ADCY5: variants seen among roughly 807,000 people sequenced by gnomAD.
ADCY5 encodes adenylate cyclase type 5.
In ADCY5, 30 loss-of-function variants were observed where a neutral mutation model predicts 119.7. The ratio of observed to expected loss-of-function variants is 0.25; its 90% confidence interval spans 0.19 to 0.34. The LOEUF (loss-of-function observed/expected upper bound fraction) is 0.34, where lower values mean the gene tolerates loss of function less well. ADCY5 is among the 10% of genes least tolerant of loss of function. The pLI, the probability that ADCY5 is intolerant of heterozygous loss-of-function variation, is 1.00. For synonymous variants in ADCY5, 753 were observed against 762.2 expected (o/e 0.99, Z 0.20); for missense variants, 1,324 against 1,775.2 (o/e 0.75, Z 4.57).
chr3:123,328,550 C>T (rs1941604901), intron 6 of ADCY5, 94 bp downstream of exon 6: 12 of 1,474,514 alleles, frequency 8.1e-6, no homozygotes, highest in Admixed American at 1.8e-5. Context: ...CCCACCCCAC[C>T]CTGCCCCGCC....
Position 123,448,223 on chromosome 3 carries a change from C to G in ADCY5, c.323G>C (p.Gly108Ala). 7.4e-7 allele frequency: 1 copy of G among 1,355,840 alleles called. No individual in the cohort carries two copies. The highest frequency in any genetic ancestry group is 9.5e-7 in the Non-Finnish European group (1 of 1,054,654). 84.0% of individuals were successfully genotyped at this position (1,355,840 alleles called of 1,614,324 possible). A position where few individuals can be genotyped will look rare whatever the true frequency, so the allele number is the denominator to read the frequency against. The change falls in exon 1 of 21, where the codon GGC becomes GCC. Residue 108 changes from glycine to alanine, a missense_variant. By Grantham distance (60) the Gly-to-Ala change is moderately conservative. Transcript: ENST00000462833. ...RSKSAWQERG[G>A]DDCGRGSRRQ... ...GCGGCTGCCGCGACCGCAGTCGTCG[C>G]CGCCGCGCTCCTGCCAGGCGGACTT...
At chr3:123,314,348 G>C in intron 11 of ADCY5, 26 bp from the exon 12 acceptor site, 5 of 1,572,900 alleles carry the variant, frequency 3.2e-6, no homozygotes, top group Non-Finnish European at 4.4e-6. Context: ...AGGGGAGGGA[G>C]AAGCCAGGCT....
intron 1 of ADCY5, among the ~76,000 whole-genome samples, chr3:123,369,104 T>C (rs1943549726): frequency 6.6e-6 from 1 of 152,104 alleles, no homozygotes; most frequent in Non-Finnish European, 1.5e-5. Flanking sequence ...CTCTGGAAAG[T>C]AATAAGGATT....
chr3:123,348,992 C>T (rs192712017), intron 2 of ADCY5, among the ~76,000 whole-genome samples: 22 of 152,304 alleles, frequency 1.4e-4, no homozygotes, highest in Admixed American at 1.3e-3. Flanking sequence ...GCACGTCCCA[C>T]CTCTGTCCTC....
intron 3 of ADCY5, among the ~76,000 whole-genome samples, chr3:123,335,415 CAG>C (rs1033880813): frequency 2.0e-5 from 3 of 152,178 alleles, no homozygotes; most frequent in Admixed American, 1.3e-4. Flanking sequence ...TTTAAGCTCA[CAG>C]AAATATTAAC....
At chr3:123,309,991 G>A (rs887154922) in intron 12 of ADCY5, among the ~76,000 whole-genome samples, 1 of 152,064 alleles carries the variant, frequency 6.6e-6, no homozygotes, top group Non-Finnish European at 1.5e-5. Flanking sequence ...AGGGCCCACA[G>A]GAGGCTCTGG....
intron 1 of ADCY5, among the ~76,000 whole-genome samples, chr3:123,358,764 T>C (rs1943134109): frequency 6.6e-6 from 1 of 152,320 alleles, no homozygotes; most frequent in East Asian, 1.9e-4. Context: ...TGCCTATGAA[T>C]ATTTAATACT....
At chr3:123,422,761 GTC>G (rs924223529) in intron 1 of ADCY5, among the ~76,000 whole-genome samples, 3 of 152,212 alleles carry the variant, frequency 2.0e-5, no homozygotes, top group Non-Finnish European at 2.9e-5. Context: ...AGCAGGCTTG[GTC>G]TCTCTTCTCA....
chr3:123,296,032 C>T (rs1939479061), intron 17 of ADCY5, 52 bp downstream of exon 17: 1 of 1,602,084 alleles, frequency 6.2e-7, no homozygotes, highest in African/African-American at 1.3e-5. Context: ...GTTGTCTCCG[C>T]CACCTGCTCC....
chr3:123,397,762 C>T (rs1323743893), intron 1 of ADCY5, among the ~76,000 whole-genome samples: 1 of 152,172 alleles, frequency 6.6e-6, no homozygotes, highest in Non-Finnish European at 1.5e-5. Flanking sequence ...GTCAAATGGA[C>T]TTTTTCAAAT....
intron 1 of ADCY5, among the ~76,000 whole-genome samples, chr3:123,419,858 A>G (rs1194526558): frequency 6.7e-6 from 1 of 149,922 alleles, no homozygotes; most frequent in South Asian, 2.1e-4. Flanking sequence ...TCCCACTCCG[A>G]CTCTCACCTT....
At chr3:123,443,964 C>T (rs1298049420) in intron 1 of ADCY5, among the ~76,000 whole-genome samples, 2 of 152,218 alleles carry the variant, frequency 1.3e-5, no homozygotes, top group Non-Finnish European at 2.9e-5. Context: ...CCCCACCCCA[C>T]AGGGCACAAC....
At chr3:123,405,863 G>A (rs1162156879) in intron 1 of ADCY5, among the ~76,000 whole-genome samples, 1 of 152,100 alleles carries the variant, frequency 6.6e-6, no homozygotes, top group Non-Finnish European at 1.5e-5. Flanking sequence ...TAAAACTACT[G>A]GCCTCAAGCG....
At chr3:123,398,692 T>C (rs1287594567) in intron 1 of ADCY5, among the ~76,000 whole-genome samples, 1 of 152,106 alleles carries the variant, frequency 6.6e-6, no homozygotes, top group East Asian at 1.9e-4. Context: ...GTCACGTACA[T>C]CTCCTTTCTG....
In ADCY5 at chr3:123,290,118, G is replaced by A. The variant is rs56235212; in HGVS notation, c.3328-164C>T. Reference sequence around the variant, plus strand: ...TCCTCATCAGTGTGATGCCCGCAACGCTCCTGACACAGCCAGGCCCCTCCA... The same window carrying A: ...TCCTCATCAGTGTGATGCCCGCAACACTCCTGACACAGCCAGGCCCCTCCA... On this transcript the variant is annotated intron_variant, in intron 18 of 20. Transcript: ENST00000462833. 0.011 allele frequency among the ~76,000 whole-genome samples: 1,652 copies of A among 152,192 alleles called. 31 individuals carry two copies. The highest frequency in any genetic ancestry group is 0.037 in the African/African-American group (1,533 of 41,522).
chr3:123,305,564 A>G (rs1314408733), intron 12 of ADCY5, among the ~76,000 whole-genome samples: 2 of 152,162 alleles, frequency 1.3e-5, no homozygotes, highest in African/African-American at 4.8e-5. Flanking sequence ...TCAAACACAA[A>G]TATGCTGACA....
intron 1 of ADCY5, among the ~76,000 whole-genome samples, chr3:123,422,824 A>G (rs946416400): frequency 2.0e-5 from 3 of 152,202 alleles, no homozygotes; most frequent in Admixed American, 6.5e-5. Context: ...GCCTGTGGCC[A>G]TTTCAGGGGA....
Position 123,447,968 on chromosome 3 carries a change from G to A in ADCY5, c.578C>T (p.Ser193Leu). 4 of 1,456,832 alleles carry A rather than the reference G, an allele frequency of 2.7e-6. No homozygotes were observed. The highest frequency in any genetic ancestry group is 2.7e-5 in the East Asian group (1 of 36,810). 90.2% of individuals were successfully genotyped at this position (1,456,832 alleles called of 1,614,324 possible). A position where few individuals can be genotyped will look rare whatever the true frequency, so the allele number is the denominator to read the frequency against. ...CGCGCCGGGCCCCGCGCCCGAGCCC[G>A]AGTCCGCCGAGCTGCCGCCATCCCC... ...GSGDGGSSAD[S>L]GSGAGPGAVL... The change falls in exon 1 of 21, where the codon TCG (serine) becomes TTG (leucine). Residue 193 changes from serine (S) to leucine (L), a missense_variant. Physicochemically the swap from Ser to Leu is moderately radical, Grantham distance 145 (BLOSUM62 -2). Around this residue, in one of 6 missense-constraint regions of ADCY5, gnomAD observed 585 missense variants for 569.9 expected, o/e 1.03. Coordinates refer to ENST00000462833, the MANE Select transcript of ADCY5 (RefSeq NM_183357.3).
At chr3:123,405,328 C>A (rs1944872266) in intron 1 of ADCY5, among the ~76,000 whole-genome samples, 1 of 152,238 alleles carries the variant, frequency 6.6e-6, no homozygotes, top group Non-Finnish European at 1.5e-5. Flanking sequence ...GTCTAGAGCA[C>A]AGGATGGAGA....
Sources: allele counts gnomAD v4.1 joint callset (sites outside exome capture counted in the v4.1 genomes callset), GRCh38; gene constraint gnomAD v4.1.1; regional missense constraint gnomAD v4.1.1; transcripts MANE v1.5; gene names NCBI Gene and HGNC (gene_info 2026-07-23, HGNC 2026-07-21).